The following TLR8 variants were observed in gnomAD, a reference collection of about 807,000 sequenced individuals.
The protein encoded by TLR8 is toll-like receptor 8.
Under a neutral mutation model 18.5 loss-of-function variants are expected in TLR8, and 5 were observed. The ratio of observed to expected loss-of-function variants is 0.27; its 90% CI spans 0.14 to 0.57. The LOEUF (loss-of-function observed/expected upper bound fraction) is 0.57, where lower values mean the gene tolerates loss of function less well. TLR8 is among the 20% of genes least tolerant of loss of function. The pLI, the probability that TLR8 is intolerant of heterozygous loss-of-function variation, is 0.92. For synonymous variants in TLR8, 299 were observed against 300.1 expected, an observed-to-expected ratio of 1.00 and a Z score of 0.04; for missense variants, 543 against 769.8, an observed-to-expected ratio of 0.71 and a Z score of 3.49.
In TLR8 at chrX:12,922,694, T is replaced by C. The variant is rs5979763; in HGVS notation, c.*528T>C. On this transcript the variant is annotated 3_prime_UTR_variant, in exon 2 of 2. Transcript: ENST00000218032. ...GGAAAACAGCTGAAGACCAAGATGG[T>C]GAGCTCTGATTGCTTCAGTTGGTCA... 8,213 of 112,418 alleles carry C rather than the reference T, an allele frequency of 0.073. 765 individuals are homozygous for C. Among genetic ancestry groups the C allele is most frequent in the African/African-American group, 0.25 (7,761 of 30,641 alleles). The allele number at this position is 112,418 out of a possible 1,213,427, so 9.3% of individuals were successfully genotyped here. A position where few individuals can be genotyped will look rare whatever the true frequency, so the allele number is the denominator to read the frequency against.
chrX:12,909,549 G>A (rs190195425), intron 1 of TLR8, among the ~76,000 whole-genome samples: 4 of 111,832 alleles, frequency 3.6e-5, no homozygotes, highest in Non-Finnish European at 7.5e-5. Context: ...TGGTTCTAAG[G>A]AATGACAAAG....
intron 1 of TLR8, among the ~76,000 whole-genome samples, chrX:12,909,154 TTAG>T (rs1190688122): frequency 8.9e-6 from 1 of 112,159 alleles, no homozygotes; most frequent in East Asian, 2.8e-4. Flanking sequence ...TATTTTTAAA[TTAG>T]TAGCCCCAAT....
At chrX:12,916,540 C>T (rs768772034) in intron 1 of TLR8, among the ~76,000 whole-genome samples, 32 of 112,198 alleles carry the variant, frequency 2.9e-4, no homozygotes, top group African/African-American at 1.0e-3. Flanking sequence ...TCTCCCGGTA[C>T]AGATGTGAAG....
Position 12,921,269 on chromosome X carries a change from A to C in TLR8, c.2229A>C (p.Leu743Phe), listed in dbSNP as rs778001894. The C allele has an allele frequency of 4.1e-6, 5 of 1,211,570 alleles. No homozygotes were observed. Among genetic ancestry groups the C allele is most frequent in the Non-Finnish European group, 5.6e-6 (5 of 895,402 alleles). The part of the protein sequence containing the change: ...SEVSSLKHLD[L>F]SSNLLKTINK... ...TCAGTAGTCTGAAGCACCTCGATTT[A>C]AGTTCCAATCTGCTAAAAACAATCA... Residue 743 changes from leucine to phenylalanine, a missense_variant, in exon 2 of 2, where the codon TTA becomes TTC. Leu to Phe is a conservative substitution (Grantham distance 22, BLOSUM62 0). Around this residue, in one of 4 missense-constraint regions of TLR8, gnomAD observed 227 missense variants for 312.9 expected, o/e 0.73. Transcript: ENST00000218032.
Position 12,917,216 on chromosome X carries a change from G to T in TLR8, c.4-1828G>T, listed in dbSNP as rs777833370. Among the ~76,000 whole-genome samples the T allele has an allele frequency of 1.1e-4, 12 of 112,270 alleles. No individual in the cohort carries two copies. The East Asian group carries it at 3.3e-3, about 31-fold the overall frequency. On this transcript the variant is annotated intron_variant, in intron 1 of 1. Transcript: ENST00000218032. ...ATCACACCAGGTATAGTAGAGGCTT[G>T]TTTTAGTGCAAGTTAAACATTAAGC...
chrX:12,919,968 A>T lies in TLR8; in HGVS notation c.928A>T (p.Met310Leu). ...RKINAAWFKN[M>L]PHLKVLDLEF... ...GATTAATGCTGCCTGGTTTAAAAAT[A>T]TGCCTCATCTGAAGGTGCTGGATCT... Residue 310 changes from methionine (M) to leucine (L), a missense_variant, in exon 2 of 2, where the codon ATG (methionine) becomes TTG (leucine). Physicochemically the swap from Met to Leu is conservative, Grantham distance 15 (BLOSUM62 2). Transcript: ENST00000218032. 8.3e-7 allele frequency: 1 copy of T among 1,211,792 alleles called. No individual in the cohort carries two copies. Among genetic ancestry groups the T allele is most frequent in the East Asian group, 3.0e-5 (1 of 33,856 alleles).
rs1399829974 is a variant in TLR8, at chrX:12,919,772, A to C, written c.732A>C (p.Gly244=). 1 of 1,209,866 alleles carries C rather than the reference A, an allele frequency of 8.3e-7. No individual in the cohort carries two copies. The highest frequency in any genetic ancestry group is 1.1e-6 in the Non-Finnish European group (1 of 895,179). ...IKYISEEDFK[G]LINLTLLDLS... ...ACATTAGTGAAGAAGATTTCAAGGG[A>C]TTGATAAATTTAACATTACTAGATT... The change falls in exon 2 of 2, where the codon GGA becomes GGC. Residue 244 remains glycine (G), a synonymous_variant. Coordinates refer to ENST00000218032, the MANE Select transcript of TLR8 (RefSeq NM_138636.5).
At position 12,922,386 on chromosome X, in the gene TLR8, G is replaced by A; in HGVS notation, c.*220G>A. 1 of 403,228 alleles carries A rather than the reference G, an allele frequency of 2.5e-6. No homozygotes were observed. The highest frequency in any genetic ancestry group is 4.7e-5 in the Admixed American group (1 of 21,229). The allele number at this position is 403,228 out of a possible 1,213,427, so 33.2% of individuals were successfully genotyped here. A position where few individuals can be genotyped will look rare whatever the true frequency, so the allele number is the denominator to read the frequency against. ...GGCTGCAATGTAGGTGTTCACCAGA[G>A]ACATAGGCATCACTGGGGTCACACT... On this transcript the variant is annotated 3_prime_UTR_variant, in exon 2 of 2. Transcript: ENST00000218032.
intron 1 of TLR8, among the ~76,000 whole-genome samples, chrX:12,915,027 T>A (rs753245370): frequency 8.9e-6 from 1 of 112,424 alleles, no homozygotes; most frequent in African/African-American, 3.2e-5. Context: ...AAATGATAAG[T>A]ATATGAGGTA....
rs6639238 is a variant in TLR8 at position 12,914,023 on chromosome X, C to T, written c.4-5021C>T. On this transcript the variant is annotated intron_variant, in intron 1 of 1. Coordinates refer to ENST00000218032, the MANE Select transcript of TLR8 (RefSeq NM_138636.5). ...TTTTCATTAATGCATATACCTGTTA[C>T]ATATTTATACCAAGTATGTATTAAA... Among the ~76,000 whole-genome samples the T allele has an allele frequency of 6.6e-3, 741 of 111,784 alleles. 10 individuals carry two copies. The highest frequency in any genetic ancestry group is 0.023 in the African/African-American group (706 of 30,762).
At chrX:12,909,569 G>A in intron 1 of TLR8, among the ~76,000 whole-genome samples, 1 of 111,904 alleles carries the variant, frequency 8.9e-6, no homozygotes. Flanking sequence ...GAATCTGGAA[G>A]TTCTCTGTGG....
intron 1 of TLR8, chrX:12,910,306 G>A (rs1398762217): frequency 5.8e-5 from 66 of 1,145,380 alleles, no homozygotes; most frequent in Admixed American, 2.9e-5. Flanking sequence ...TAATCAATAG[G>A]TTCTCTTGAC....
At position 12,922,145 on chromosome X, in the gene TLR8, C is replaced by A; in HGVS notation, c.3105C>A (p.Val1035=). 8.3e-7 allele frequency: 1 copy of A among 1,201,107 alleles called. No homozygotes were observed. The highest frequency in any genetic ancestry group is 1.1e-6 in the Non-Finnish European group (1 of 889,510). The change falls in exon 2 of 2, where the codon GTC becomes GTA. Residue 1035 remains valine (V), a synonymous_variant. Coordinates refer to ENST00000218032, the MANE Select transcript of TLR8 (RefSeq NM_138636.5). ...ENDSRYNNMY[V]DSIKQY ...ATTCACGGTATAACAATATGTATGT[C>A]GATTCCATTAAGCAATACTAACTGA...
In TLR8 at chrX:12,918,937, C is replaced by A. The variant is rs1299123472; in HGVS notation, c.4-107C>A. The A allele has an allele frequency of 8.2e-6, 7 of 854,720 alleles. No homozygotes were observed. In the East Asian group the frequency reaches 1.6e-4, roughly 19 times the overall value. 70.4% of individuals were successfully genotyped at this position (854,720 alleles called of 1,213,427 possible). ...TTTATTTAATTGTTAAGTGAATGCA[C>A]ACATCAAAATTCATACAAGTATGGG... On this transcript the variant is annotated intron_variant, in intron 1 of 1. Transcript: ENST00000218032.
In TLR8 at chrX:12,921,491, G is replaced by C. The variant is rs2043095049; in HGVS notation, c.2451G>C (p.Leu817=). Residue 817 remains leucine, a synonymous_variant, in exon 2 of 2, where the codon CTG becomes CTC. Transcript: ENST00000218032. ...AAAGAGGGAAGAGTATTGTGAGTCT[G>C]GAGCTAACAACTTGTGTTTCAGATG... is the stretch of plus-strand genomic sequence containing the variant. ...GDQRGKSIVS[L]ELTTCVSDVT... 8.3e-7 allele frequency: 1 copy of C among 1,211,170 alleles called. No homozygotes were observed. The highest frequency in any genetic ancestry group is 1.1e-6 in the Non-Finnish European group (1 of 894,862).
intron 1 of TLR8, among the ~76,000 whole-genome samples, chrX:12,915,842 G>A (rs761742163): frequency 9.0e-6 from 1 of 111,409 alleles, no homozygotes; most frequent in Non-Finnish European, 1.9e-5. Context: ...CCTTACACAT[G>A]CCTACTCAAC....
rs2043104131 is a variant in TLR8 at position 12,922,611 on chromosome X, T to C, written c.*445T>C. Reference sequence around the variant, plus strand: ...TCTCATCACTTTGGCCATATTCTATTTGTTAGAAGTAAACCACAGGTCCCA... The same window carrying C: ...TCTCATCACTTTGGCCATATTCTATCTGTTAGAAGTAAACCACAGGTCCCA... On this transcript the variant is annotated 3_prime_UTR_variant, in exon 2 of 2. Transcript: ENST00000218032. The C allele has an allele frequency of 8.6e-6, 1 of 116,458 alleles. No homozygotes were observed. The highest frequency in any genetic ancestry group is 3.2e-5 in the African/African-American group (1 of 30,984). The allele number at this position is 116,458 out of a possible 1,213,427, so 9.6% of individuals were successfully genotyped here. A position where few individuals can be genotyped will look rare whatever the true frequency, so the allele number is the denominator to read the frequency against.
chrX:12,921,174 T>A lies in TLR8; in HGVS notation c.2134T>A (p.Ser712Thr), dbSNP rs762989856. The A allele has an allele frequency of 3.9e-5, 47 of 1,210,464 alleles. No individual in the cohort carries two copies. The East Asian group carries it at 1.3e-3, about 34-fold the overall frequency. The change falls in exon 2 of 2, where the codon TCT becomes ACT. Residue 712 changes from serine to threonine, a missense_variant. Transcript: ENST00000218032. Reference sequence around the variant, plus strand: ...AACTGATAGCCTATCTGACTTTACATCTTCCCTTCGGACACTGCTGCTGAG... The same window carrying A: ...AACTGATAGCCTATCTGACTTTACAACTTCCCTTCGGACACTGCTGCTGAG... ...FLTDSLSDFT[S>T]SLRTLLLSHN...
chrX:12,911,426 C>A (rs1468701269), intron 1 of TLR8, among the ~76,000 whole-genome samples: 1 of 111,473 alleles, frequency 9.0e-6, no homozygotes. Context: ...ATCTCTCTAG[C>A]CTTCACCTCT....
Sources: gnomAD v4.1 joint callset for allele counts (sites outside exome capture counted in the v4.1 genomes callset) on GRCh38, gnomAD v4.1.1 for gene constraint, gnomAD v4.1.1 regional missense constraint, MANE v1.5 for transcripts, NCBI Gene and HGNC (gene_info 2026-07-23, HGNC 2026-07-21) for gene names.